DOP1A: variants seen among roughly 807,000 people sequenced by gnomAD.
The protein encoded by DOP1A is protein DOP1A.
Under a neutral mutation model 267.6 loss-of-function variants are expected in DOP1A, and 90 were observed. That is an observed-to-expected ratio of 0.34 (90% CI 0.28 to 0.40). The LOEUF is 0.40. DOP1A is among the 10% of genes least tolerant of loss of function. The pLI is 1.00. For missense variants in DOP1A, 2,437 were observed against 2,900.4 expected (o/e 0.84, Z 3.67); for synonymous variants, 932 against 999.1 (o/e 0.93, Z 1.27).
chr6:83,146,942 T>C (rs917872013), intron 25 of DOP1A, among the ~76,000 whole-genome samples: 11 of 152,140 alleles, frequency 7.2e-5, no homozygotes, highest in African/African-American at 1.2e-4. Flanking sequence ...ACTTATAGAG[T>C]ACATGAATCA....
At chr6:83,143,436 G>C (rs568956839) in intron 24 of DOP1A, among the ~76,000 whole-genome samples, 1 of 152,084 alleles carries the variant, frequency 6.6e-6, no homozygotes, top group Admixed American at 6.6e-5. Context: ...AGAGAGCCAA[G>C]GATTACCAGT....
chr6:83,068,789 T>G (rs908870335), intron 1 of DOP1A, among the ~76,000 whole-genome samples: 12 of 152,238 alleles, frequency 7.9e-5, no homozygotes, highest in Admixed American at 6.5e-4. Context: ...CACAGTGATT[T>G]AGGTGGGCCG....
intron 30 of DOP1A, chr6:83,153,252 C>CT (rs1430632606): frequency 2.7e-4 from 67 of 246,902 alleles, no homozygotes; most frequent in African/African-American, 1.4e-3. Context: ...ACAGAAGGTT[C>CT]TTGAACTCTT....
intron 10 of DOP1A, 33 bp downstream of exon 10, chr6:83,120,824 G>C (rs1180691027): frequency 1.4e-6 from 2 of 1,382,548 alleles, no homozygotes; most frequent in Non-Finnish European, 1.9e-6. Flanking sequence ...ATAAGGTCAT[G>C]TGTGGTACTT....
intron 7 of DOP1A, among the ~76,000 whole-genome samples, chr6:83,115,559 A>G (rs564103822): frequency 1.3e-5 from 2 of 152,214 alleles, no homozygotes; most frequent in East Asian, 3.9e-4. Context: ...CGTCTCTACT[A>G]AAAATACAAA....
intron 7 of DOP1A, among the ~76,000 whole-genome samples, chr6:83,114,951 G>A (rs1224909833): frequency 6.6e-6 from 1 of 152,048 alleles, no homozygotes; most frequent in Non-Finnish European, 1.5e-5. Context: ...ACTGAATAAG[G>A]ATTATGACGT....
At chr6:83,110,947 C>T (rs923085535) in intron 6 of DOP1A, among the ~76,000 whole-genome samples, 1 of 152,134 alleles carries the variant, frequency 6.6e-6, no homozygotes, top group Non-Finnish European at 1.5e-5. Flanking sequence ...AGTCATATAA[C>T]CACTATTGCA....
intron 37 of DOP1A, 85 bp from the exon 38 acceptor site, chr6:83,162,705 T>G: frequency 7.0e-7 from 1 of 1,431,152 alleles, no homozygotes; most frequent in Non-Finnish European, 9.3e-7. Context: ...AGTGGGGTCA[T>G]GATCTTTCTA....
downstream of DOP1A, chr6:83,169,898 A>C: frequency 2.4e-6 from 1 of 422,420 alleles, no homozygotes; most frequent in South Asian, 1.7e-5. Flanking sequence ...ATTTTGAAAA[A>C]CAAATCAAGA....
intron 16 of DOP1A, among the ~76,000 whole-genome samples, chr6:83,129,866 C>T (rs941328512): frequency 2.0e-5 from 3 of 151,992 alleles, no homozygotes; most frequent in Non-Finnish European, 2.9e-5. Context: ...CTACATAATG[C>T]TTATTGATCA....
At chr6:83,162,449 A>G (rs923634873) in intron 37 of DOP1A, among the ~76,000 whole-genome samples, 9 of 152,170 alleles carry the variant, frequency 5.9e-5, no homozygotes, top group Non-Finnish European at 1.2e-4. Flanking sequence ...CTAAATGAAA[A>G]CATCTTCCTT....
At chr6:83,167,233 A>G in intron 38 of DOP1A, 1 of 951,370 alleles carries the variant, frequency 1.1e-6, no homozygotes. Context: ...GAGCCAGCAC[A>G]CTAACTCAAT....
chr6:83,070,478 T>C (rs914000227), intron 1 of DOP1A, among the ~76,000 whole-genome samples: 1 of 152,176 alleles, frequency 6.6e-6, no homozygotes, highest in Non-Finnish European at 1.5e-5. Flanking sequence ...TGTACATTCA[T>C]TTAAGTGTAC....
intron 35 of DOP1A, among the ~76,000 whole-genome samples, chr6:83,158,068 A>G (rs1030808605): frequency 2.6e-5 from 4 of 151,654 alleles, no homozygotes; most frequent in Non-Finnish European, 4.4e-5. Flanking sequence ...GCGAGATCTC[A>G]GCTCACTGCA....
At chr6:83,073,046 A>G in intron 1 of DOP1A, 1 of 298,372 alleles carries the variant, frequency 3.4e-6, no homozygotes, top group South Asian at 2.9e-5. Context: ...TCCATATTAT[A>G]TACAGCATTA....
In DOP1A at chr6:83,157,363, A is replaced by G. The variant is rs745866446; in HGVS notation, c.6741+45A>G. ...GTCAGGTTATAAATCTAAATGATAA[A>G]ACAGTGATTAGTTTCCATGTGCTTA... On this transcript the variant is annotated intron_variant, in intron 35 of 38. Coordinates refer to ENST00000349129, the MANE Select transcript of DOP1A (RefSeq NM_015018.4). The G allele has an allele frequency of 6.3e-6, 10 of 1,587,008 alleles. No individual in the cohort carries two copies. The Admixed American group carries it at 6.7e-5, about 11-fold the overall frequency.
chr6:83,143,434 A>G (rs185628459), intron 24 of DOP1A, among the ~76,000 whole-genome samples: 1 of 152,324 alleles, frequency 6.6e-6, no homozygotes, highest in Admixed American at 6.5e-5. Flanking sequence ...ATAGAGAGCC[A>G]AGGATTACCA....
intron 3 of DOP1A, among the ~76,000 whole-genome samples, chr6:83,097,549 T>TATA (rs1210584729): frequency 6.6e-6 from 1 of 152,202 alleles, no homozygotes; most frequent in Middle Eastern, 3.2e-3. Flanking sequence ...CCTGGCAAGC[T>TATA]ATAGTTATAA....
At chr6:83,146,814 A>G (rs1353701621) in intron 25 of DOP1A, among the ~76,000 whole-genome samples, 2 of 152,174 alleles carry the variant, frequency 1.3e-5, no homozygotes. Context: ...AATTGATCAC[A>G]AATTTGAACT....
Sources: allele counts gnomAD v4.1 joint callset (sites outside exome capture counted in the v4.1 genomes callset), GRCh38; gene constraint gnomAD v4.1.1; transcripts MANE v1.5; gene names NCBI Gene and HGNC (gene_info 2026-07-23, HGNC 2026-07-21).